Variants in RPTOR observed in about 807,000 individuals in gnomAD.
The protein encoded by RPTOR is regulatory-associated protein of mTOR.
A neutral mutation model predicts 169.9 loss-of-function variants in RPTOR; 21 were observed. The ratio of observed to expected loss-of-function variants is 0.12; its 90% CI spans 0.09 to 0.18. The LOEUF is 0.18. Among genes scored for constraint, RPTOR ranks in the 10% least tolerant of loss-of-function variants. The probability of loss-of-function intolerance (pLI) is 1.00; values close to 1 mark genes in which losing one functional copy is unlikely to be tolerated. For synonymous variants in RPTOR, 732 were observed against 753.2 expected, an observed-to-expected ratio of 0.97 and a Z score of 0.46; for missense variants, 1,133 against 1,855.9, an observed-to-expected ratio of 0.61 and a Z score of 7.16.
At chr17:80,582,835 C>T (rs140386936) in intron 1 of RPTOR, among the ~76,000 whole-genome samples, 7,416 of 151,982 alleles carry the variant, frequency 0.049, 236 homozygotes, top group Non-Finnish European at 0.075. Flanking sequence ...TGAGCCACCG[C>T]GCATGGCCAA....
At chr17:80,949,225 G>A (rs1450325623) in intron 27 of RPTOR, among the ~76,000 whole-genome samples, 1 of 152,156 alleles carries the variant, frequency 6.6e-6, no homozygotes, top group Non-Finnish European at 1.5e-5. Flanking sequence ...CCCATCCCCT[G>A]GGCTGCGACT....
At chr17:80,665,473 C>CT (rs2065766440) in intron 3 of RPTOR, among the ~76,000 whole-genome samples, 4 of 38,010 alleles carry the variant, frequency 1.1e-4, no homozygotes, top group Non-Finnish European at 1.3e-4. Context: ...CTTTCCTTTC[C>CT]TTTCCTTTCC....
At chr17:80,650,955 C>T (rs1599635349) in intron 3 of RPTOR, among the ~76,000 whole-genome samples, 1 of 152,182 alleles carries the variant, frequency 6.6e-6, no homozygotes, top group Non-Finnish European at 1.5e-5. Flanking sequence ...ACAGGCCTCT[C>T]GAGGATATTA....
chr17:80,564,094 G>A (rs1293090733), intron 1 of RPTOR, among the ~76,000 whole-genome samples: 3 of 150,080 alleles, frequency 2.0e-5, no homozygotes, highest in African/African-American at 2.5e-5. Context: ...ACGGAGTCTC[G>A]CTCTGTCGCC....
chr17:80,866,282 G>A (rs1226194292), intron 13 of RPTOR, among the ~76,000 whole-genome samples: 7 of 151,864 alleles, frequency 4.6e-5, no homozygotes, highest in South Asian at 4.2e-4. Flanking sequence ...TTGAGTATAC[G>A]TGGACCCAGC....
At chr17:80,800,177 G>A (rs11652074) in intron 7 of RPTOR, among the ~76,000 whole-genome samples, 14,823 of 152,244 alleles carry the variant, frequency 0.097, 949 homozygotes, top group South Asian at 0.12. Flanking sequence ...CAGCTCAATG[G>A]CAGTTTCATG....
chr17:80,553,938 T>G (rs1310430073), intron 1 of RPTOR, among the ~76,000 whole-genome samples: 3 of 152,024 alleles, frequency 2.0e-5, no homozygotes, highest in Non-Finnish European at 4.4e-5. Context: ...GATGGGGTTT[T>G]GCCATATTGG....
Position 80,958,560 on chromosome 17 carries a change from A to G in RPTOR, c.3477+830A>G, listed in dbSNP as rs59291493. On this transcript the variant is annotated intron_variant, in intron 29 of 33. Coordinates refer to ENST00000306801, the MANE Select transcript of RPTOR (RefSeq NM_020761.3). ...CGAGTAGCTGGGACTACAAGCGCCC[A>G]CCACCACGCCCAGCTAATTTTTTTT... Among the ~76,000 whole-genome samples the G allele has an allele frequency of 4.7e-3, 704 of 150,856 alleles. 3 individuals carry two copies. Among genetic ancestry groups the G allele is most frequent in the African/African-American group, 0.016 (665 of 41,092 alleles).
At position 80,729,860 on chromosome 17, in the gene RPTOR, C is replaced by T. The variant is rs538256527; in HGVS notation, c.508-700C>T. Among the ~76,000 whole-genome samples, 49 of 152,288 alleles carry T rather than the reference C, an allele frequency of 3.2e-4. No homozygotes were observed. In the South Asian group the frequency reaches 8.9e-3, roughly 28 times the overall value. On this transcript the variant is annotated intron_variant, in intron 4 of 33. Transcript: ENST00000306801. Reference sequence around the variant, plus strand: ...GCTGTGGGTCCATGGAGGGAGGCCCCGCGGCGGGAACTGAGGCAGCCATGG... The same window carrying T: ...GCTGTGGGTCCATGGAGGGAGGCCCTGCGGCGGGAACTGAGGCAGCCATGG...
Position 80,660,225 on chromosome 17 carries a change from C to T in RPTOR, c.348+16415C>T, listed in dbSNP as rs865805407. ...GATGGAGGTTGCAGTGAGCCGAGAT[C>T]GCACCACTGCACTCCAGCCTGGGCG... is the stretch of plus-strand genomic sequence containing the variant. On this transcript the variant is annotated intron_variant, in intron 3 of 33. Coordinates refer to ENST00000306801, the MANE Select transcript of RPTOR (RefSeq NM_020761.3). 2.2e-4 allele frequency among the ~76,000 whole-genome samples: 33 copies of T among 149,136 alleles called. 1 individual carries two copies. The highest frequency in any genetic ancestry group is 3.4e-3 in the Middle Eastern group (1 of 292).
chr17:80,641,951 C>T (rs1429999448), intron 2 of RPTOR, among the ~76,000 whole-genome samples: 1 of 152,130 alleles, frequency 6.6e-6, no homozygotes, highest in Admixed American at 6.6e-5. Context: ...GCATTTTACC[C>T]CCAACAGACA....
intron 4 of RPTOR, among the ~76,000 whole-genome samples, chr17:80,722,797 A>G (rs1297767323): frequency 2.0e-5 from 3 of 151,276 alleles, no homozygotes; most frequent in Non-Finnish European, 2.9e-5. Context: ...TAGGAAACAT[A>G]TGTTGTTACA....
intron 11 of RPTOR, among the ~76,000 whole-genome samples, chr17:80,847,256 A>G (rs558702672): frequency 1.3e-5 from 2 of 152,366 alleles, no homozygotes; most frequent in African/African-American, 2.4e-5. Flanking sequence ...CGTGCAGACC[A>G]TGACCTGTTC....
At chr17:80,725,693 G>T (rs1259106036) in intron 4 of RPTOR, among the ~76,000 whole-genome samples, 1 of 152,184 alleles carries the variant, frequency 6.6e-6, no homozygotes, top group Admixed American at 6.5e-5. Flanking sequence ...CTGGCCTGGA[G>T]CTTGACAAAC....
rs150540971 is a variant in RPTOR, at chr17:80,847,734, C to T, written c.1314+1160C>T. Among the ~76,000 whole-genome samples the T allele has an allele frequency of 2.2e-3, 342 of 152,286 alleles. 3 individuals are homozygous for T. The highest frequency in any genetic ancestry group is 7.9e-3 in the African/African-American group (327 of 41,564). On this transcript the variant is annotated intron_variant, in intron 11 of 33. Coordinates refer to ENST00000306801, the MANE Select transcript of RPTOR (RefSeq NM_020761.3). Reference sequence around the variant, plus strand: ...GTCCTCGCCTTCCTAGAAAGCAGATCGGGTGGTGGTACCTCCATGGAGAGG... The same window carrying T: ...GTCCTCGCCTTCCTAGAAAGCAGATTGGGTGGTGGTACCTCCATGGAGAGG...
chr17:80,918,346 C>T (rs375232660), intron 21 of RPTOR, among the ~76,000 whole-genome samples: 4 of 152,178 alleles, frequency 2.6e-5, no homozygotes, highest in South Asian at 2.1e-4. Flanking sequence ...GGGTGGCGGC[C>T]GGGAATCTGT....
At chr17:80,715,155 G>T (rs2066229112) in intron 4 of RPTOR, among the ~76,000 whole-genome samples, 1 of 152,336 alleles carries the variant, frequency 6.6e-6, no homozygotes, top group Admixed American at 6.5e-5. Flanking sequence ...TAGCTAAAAT[G>T]TGTTTTTTTT....
intron 2 of RPTOR, among the ~76,000 whole-genome samples, chr17:80,634,190 G>A (rs1179561542): frequency 1.3e-4 from 18 of 143,526 alleles, no homozygotes; most frequent in Non-Finnish European, 2.8e-4. Context: ...TGCGCATACT[G>A]TGTGTGCATA....
At chr17:80,742,811 CAT>C (rs930904304) in intron 5 of RPTOR, among the ~76,000 whole-genome samples, 16 of 152,162 alleles carry the variant, frequency 1.1e-4, no homozygotes, top group African/African-American at 3.9e-4. Flanking sequence ...CCTATATACA[CAT>C]ATATACATGC....
Sources: gnomAD v4.1 joint callset for allele counts (sites outside exome capture counted in the v4.1 genomes callset) on GRCh38, gnomAD v4.1.1 for gene constraint, MANE v1.5 for transcripts, NCBI Gene and HGNC (gene_info 2026-07-23, HGNC 2026-07-21) for gene names.